The following KCNT2 variants were observed in gnomAD, a reference collection of about 807,000 sequenced individuals.
The protein encoded by KCNT2 is potassium sodium-activated channel subfamily T member 2, also known as potassium channel subfamily T member 2.
In KCNT2, 67 loss-of-function variants were observed where a neutral mutation model predicts 153.8. The observed-to-expected ratio is 0.44, with a 90% CI of 0.36 to 0.53. The LOEUF (loss-of-function observed/expected upper bound fraction) is 0.53. Among genes scored for constraint, KCNT2 ranks in the 20% least tolerant of loss-of-function variants. The pLI is 0.00. For missense variants in KCNT2, 975 were observed against 1,354.8 expected, an observed-to-expected ratio of 0.72 and a Z score of 4.40; for synonymous variants, 500 against 458.8, an observed-to-expected ratio of 1.09 and a Z score of -1.15.
intron 14 of KCNT2, among the ~76,000 whole-genome samples, chr1:196,366,858 T>C (rs559662404): frequency 1.2e-3 from 178 of 152,306 alleles, no homozygotes; most frequent in Non-Finnish European, 1.7e-3. Flanking sequence ...CAATAACTAA[T>C]TGCTAAATAA....
chr1:196,414,348 C>G (rs980004374), intron 12 of KCNT2, among the ~76,000 whole-genome samples: 1 of 151,634 alleles, frequency 6.6e-6, no homozygotes, highest in African/African-American at 2.4e-5. Flanking sequence ...AATGCTCTAT[C>G]CAGAAATAAC....
At position 196,429,563 on chromosome 1, in the gene KCNT2, A is replaced by T. The variant is rs760427682; in HGVS notation, c.819+14T>A. ...TCTGTACATTTCTATGCAATATAAG[A>T]TGGTTTTGTTTACCTGTATGGGTAG... On this transcript the variant is annotated intron_variant, in intron 9 of 27. Transcript: ENST00000294725. 3.8e-6 allele frequency: 6 copies of T among 1,570,256 alleles called. No individual in the cohort carries two copies. The highest frequency in any genetic ancestry group is 1.9e-5 in the Admixed American group (1 of 53,356).
At chr1:196,277,556 A>G (rs138896086) in intron 25 of KCNT2, among the ~76,000 whole-genome samples, 17 of 152,282 alleles carry the variant, frequency 1.1e-4, no homozygotes, top group African/African-American at 2.9e-4. Context: ...GGAGAGACTG[A>G]CAGCAGCAAA....
intron 26 of KCNT2, among the ~76,000 whole-genome samples, chr1:196,250,937 A>G (rs893233079): frequency 2.6e-5 from 4 of 152,124 alleles, no homozygotes; most frequent in African/African-American, 9.7e-5. Flanking sequence ...ATCTCACCCC[A>G]ATTAAATGCT....
chr1:196,258,346 C>T lies in KCNT2; in HGVS notation c.3059G>A (p.Arg1020Lys), dbSNP rs147308415. ...GTGTTTTGGGCCTTTTCTGCTCAGT[C>T]TTCGGGCCCACTGCATGCTTTTTCT... ...LRRKSMQWAR[R>K]LSRKGPKHSG... The change falls in exon 26 of 28, where the codon AGA (arginine) becomes AAA (lysine). Residue 1020 changes from arginine to lysine, a missense_variant. By Grantham distance (26) the Arg-to-Lys change is conservative. This residue lies in a region of KCNT2 where 241 missense variants were observed against 271.1 expected (regional missense o/e 0.89). Coordinates refer to ENST00000294725, the MANE Select transcript of KCNT2 (RefSeq NM_198503.5). 6 of 1,614,000 alleles carry T rather than the reference C, an allele frequency of 3.7e-6. No homozygotes were observed. The highest frequency in any genetic ancestry group is 5.1e-6 in the Non-Finnish European group (6 of 1,179,978).
At chr1:196,411,544 A>C (rs979302999) in intron 12 of KCNT2, among the ~76,000 whole-genome samples, 6 of 149,758 alleles carry the variant, frequency 4.0e-5, no homozygotes, top group Admixed American at 2.7e-4. Flanking sequence ...GTCTCCTTCA[A>C]TTTCTTGTAA....
intron 14 of KCNT2, among the ~76,000 whole-genome samples, chr1:196,357,660 C>A (rs1667281341): frequency 6.6e-6 from 1 of 151,702 alleles, no homozygotes; most frequent in African/African-American, 2.4e-5. Context: ...TGGGAGGCAT[C>A]CATTTTGTTG....
At chr1:196,529,863 T>C (rs1313195944) in intron 1 of KCNT2, among the ~76,000 whole-genome samples, 2 of 152,076 alleles carry the variant, frequency 1.3e-5, no homozygotes, top group Non-Finnish European at 2.9e-5. Context: ...ATATAGAACA[T>C]ACCACTTGTT....
chr1:196,355,686 C>CA (rs1012668046), intron 14 of KCNT2, among the ~76,000 whole-genome samples: 1 of 151,678 alleles, frequency 6.6e-6, no homozygotes, highest in Non-Finnish European at 1.5e-5. Flanking sequence ...CCACCACACA[C>CA]AAAAAATACC....
intron 27 of KCNT2, among the ~76,000 whole-genome samples, chr1:196,234,095 G>T (rs1376687821): frequency 6.6e-6 from 1 of 151,194 alleles, no homozygotes; most frequent in East Asian, 1.9e-4. Context: ...AATGTTTGGG[G>T]TAATGGCTAC....
rs936542254 is a variant in KCNT2, at chr1:196,342,545, A to G, written c.1404-317T>C. On this transcript the variant is annotated intron_variant, in intron 14 of 27. Transcript: ENST00000294725. ...AAAGCTTTACTCTCACAATGAATCA[A>G]TGAGATACAGGATTTTAGTCTCTCT... 2.7e-5 allele frequency among the ~76,000 whole-genome samples: 4 copies of G among 150,536 alleles called. No homozygotes were observed. The South Asian group carries it at 8.4e-4, about 32-fold the overall frequency.
At chr1:196,461,564 T>C (rs1029343945) in intron 8 of KCNT2, among the ~76,000 whole-genome samples, 9 of 151,808 alleles carry the variant, frequency 5.9e-5, no homozygotes, top group African/African-American at 1.7e-4. Flanking sequence ...TCATTATAAA[T>C]GATAGTGCTT....
intron 5 of KCNT2, among the ~76,000 whole-genome samples, chr1:196,476,261 C>T (rs1376689818): frequency 6.6e-6 from 1 of 152,140 alleles, no homozygotes; most frequent in African/African-American, 2.4e-5. Context: ...CCAAAACACA[C>T]ATGCCTAAAT....
At chr1:196,506,114 C>T (rs182245703) in intron 1 of KCNT2, among the ~76,000 whole-genome samples, 7 of 152,100 alleles carry the variant, frequency 4.6e-5, no homozygotes, top group Non-Finnish European at 7.4e-5. Context: ...TCCACACATT[C>T]GTATGTGAAT....
At chr1:196,339,264 A>G (rs1665356384) in intron 16 of KCNT2, among the ~76,000 whole-genome samples, 2 of 152,094 alleles carry the variant, frequency 1.3e-5, no homozygotes, top group African/African-American at 4.8e-5. Context: ...TATTCTTGTC[A>G]TATACTGTGA....
intron 8 of KCNT2, among the ~76,000 whole-genome samples, chr1:196,431,112 G>C (rs1165840811): frequency 6.6e-6 from 1 of 152,088 alleles, no homozygotes; most frequent in Non-Finnish European, 1.5e-5. Context: ...TGGTGAGAGA[G>C]AAGGCTCTCA....
intron 22 of KCNT2, among the ~76,000 whole-genome samples, chr1:196,289,815 A>G (rs981019155): frequency 1.3e-5 from 2 of 152,078 alleles, no homozygotes; most frequent in South Asian, 2.1e-4. Flanking sequence ...TCTGAATTCA[A>G]TTGAAGTTTT....
intron 21 of KCNT2, among the ~76,000 whole-genome samples, chr1:196,308,694 A>G (rs2147992496): frequency 6.6e-6 from 1 of 152,124 alleles, no homozygotes; most frequent in East Asian, 1.9e-4. Flanking sequence ...TGTTCAAGGT[A>G]ACATTCTAGT....
At position 196,429,745 on chromosome 1, in the gene KCNT2, G is replaced by A. The variant is rs1319553042; in HGVS notation, c.651C>T (p.Ile217=). ...LCLIFTCICG[I]QHLERIGKKL... ...TCTTTCCTATTCGTTCCAGATGTTG[G>A]ATCCCACAAATGCTAAAGAAACAAA... The change falls in exon 9 of 28, where the codon ATC becomes ATT. Residue 217 remains isoleucine (I), a synonymous_variant. Transcript: ENST00000294725. 2 of 1,599,232 alleles carry A rather than the reference G, an allele frequency of 1.3e-6. No homozygotes were observed. The highest frequency in any genetic ancestry group is 1.7e-6 in the Non-Finnish European group (2 of 1,173,936).
Sources: gnomAD v4.1 joint callset for allele counts (sites outside exome capture counted in the v4.1 genomes callset) on GRCh38, gnomAD v4.1.1 for gene constraint, gnomAD v4.1.1 regional missense constraint, MANE v1.5 for transcripts, NCBI Gene and HGNC (gene_info 2026-07-23, HGNC 2026-07-21) for gene names.